SMG6: variants seen among roughly 807,000 people sequenced by gnomAD.
The protein encoded by SMG6 is SMG6 nonsense mediated mRNA decay factor, also known as telomerase-binding protein EST1A.
Under a neutral mutation model 142.2 loss-of-function variants are expected in SMG6, and 66 were observed. The ratio of observed to expected loss-of-function variants is 0.46; its 90% CI spans 0.38 to 0.57. SMG6 has a LOEUF of 0.57. SMG6 is among the 20% of genes least tolerant of loss of function. SMG6 has a pLI of 0.00. For synonymous variants in SMG6, 779 were observed against 702.4 expected (o/e 1.11, Z -1.72); for missense variants, 1,793 against 1,832.0 (o/e 0.98, Z 0.39).
At chr17:2,248,020 C>T (rs1406762828) in intron 8 of SMG6, among the ~76,000 whole-genome samples, 4 of 152,088 alleles carry the variant, frequency 2.6e-5, no homozygotes, top group Admixed American at 6.5e-5. Context: ...GCAGAAGAAT[C>T]GCTTGAACCT....
chr17:2,162,104 A>G (rs903994372), intron 13 of SMG6, among the ~76,000 whole-genome samples: 2 of 152,330 alleles, frequency 1.3e-5, no homozygotes, highest in East Asian at 1.9e-4. Flanking sequence ...TATTCATACA[A>G]TATTGTGCAG....
intron 6 of SMG6, among the ~76,000 whole-genome samples, chr17:2,287,210 G>T (rs532754331): frequency 1.3e-5 from 2 of 151,982 alleles, no homozygotes; most frequent in African/African-American, 4.8e-5. Context: ...TGAGCCACTG[G>T]GCCCGGCTAA....
intron 13 of SMG6, among the ~76,000 whole-genome samples, chr17:2,157,749 A>G (rs2071051213): frequency 6.6e-6 from 1 of 152,234 alleles, no homozygotes; most frequent in Non-Finnish European, 1.5e-5. Flanking sequence ...CAATAAAACC[A>G]AAACAGGCAA....
At chr17:2,173,081 G>C (rs750177404) in intron 12 of SMG6, 1 of 563,156 alleles carries the variant, frequency 1.8e-6, no homozygotes, top group Admixed American at 3.1e-5. Context: ...TGATTAGGGG[G>C]AGTTTTTAAT....
At chr17:2,076,940 G>GGC (rs1362108012) in intron 15 of SMG6, among the ~76,000 whole-genome samples, 1 of 152,200 alleles carries the variant, frequency 6.6e-6, no homozygotes, top group Non-Finnish European at 1.5e-5. Context: ...GGGCCCACCA[G>GGC]GCGCACGGGA....
chr17:2,173,042 G>A, intron 12 of SMG6, 183 bp from the exon 13 acceptor site: 1 of 618,314 alleles, frequency 1.6e-6, no homozygotes, highest in Non-Finnish European at 2.8e-6. Context: ...TCTGAGGTAT[G>A]TGTATGTGGA....
chr17:2,090,764 A>G (rs1290761663), intron 13 of SMG6, among the ~76,000 whole-genome samples: 1 of 152,252 alleles, frequency 6.6e-6, no homozygotes, highest in African/African-American at 2.4e-5. Flanking sequence ...ACTCAAGTTT[A>G]CAGGTTGTTT....
intron 6 of SMG6, among the ~76,000 whole-genome samples, chr17:2,290,775 T>C (rs1174444738): frequency 1.3e-5 from 2 of 152,134 alleles, no homozygotes; most frequent in South Asian, 2.1e-4. Context: ...ATTTTAAAAA[T>C]GGGCAAAAAA....
At chr17:2,245,860 T>C (rs2073917432) in intron 8 of SMG6, among the ~76,000 whole-genome samples, 1 of 152,132 alleles carries the variant, frequency 6.6e-6, no homozygotes, top group African/African-American at 2.4e-5. Flanking sequence ...TTTAATTTTT[T>C]GTAGAGAGGA....
At chr17:2,283,575 G>T in intron 7 of SMG6, 50 bp downstream of exon 7, 1 of 1,449,150 alleles carries the variant, frequency 6.9e-7, no homozygotes. Context: ...CCAACACTCA[G>T]GGAAATGCAC....
At chr17:2,188,642 C>T (rs2072066826) in intron 10 of SMG6, 127 bp from the exon 11 acceptor site, 1 of 744,850 alleles carries the variant, frequency 1.3e-6, no homozygotes, top group Non-Finnish European at 2.2e-6. Context: ...TCAGAGTGGT[C>T]ATAAGGCCAA....
chr17:2,101,997 T>C (rs1255838574), intron 13 of SMG6, among the ~76,000 whole-genome samples: 1 of 152,186 alleles, frequency 6.6e-6, no homozygotes, highest in Non-Finnish European at 1.5e-5. Flanking sequence ...CAGAGCTGAT[T>C]TCTTGAAGAC....
intron 8 of SMG6, among the ~76,000 whole-genome samples, chr17:2,271,664 G>A (rs954679334): frequency 8.6e-5 from 13 of 151,874 alleles, no homozygotes; most frequent in African/African-American, 2.9e-4. Context: ...GCAGTGAGCC[G>A]AGATCATACC....
At chr17:2,084,196 C>T (rs1043514371) in intron 14 of SMG6, among the ~76,000 whole-genome samples, 4 of 152,250 alleles carry the variant, frequency 2.6e-5, no homozygotes, top group African/African-American at 9.6e-5. Flanking sequence ...GCTGTGCCCT[C>T]AGCCTGAAAG....
chr17:2,269,443 CA>C (rs2074499692), intron 8 of SMG6, among the ~76,000 whole-genome samples: 1 of 128,614 alleles, frequency 7.8e-6, no homozygotes, highest in Non-Finnish European at 1.7e-5. Context: ...ACTTTCAAAA[CA>C]AAAAACTATA....
chr17:2,072,909 G>A (rs1193675933), intron 15 of SMG6: 1 of 152,142 alleles, frequency 6.6e-6, no homozygotes, highest in Non-Finnish European at 1.5e-5. Context: ...ACCTAGCAAA[G>A]TGCCTGACAC....
chr17:2,226,569 A>C (rs1325182708), intron 10 of SMG6, among the ~76,000 whole-genome samples: 2 of 150,710 alleles, frequency 1.3e-5, no homozygotes, highest in Non-Finnish European at 3.0e-5. Flanking sequence ...ACAGTACGAG[A>C]CTCTGTCTTA....
chr17:2,258,556 CAA>C (rs546129106), intron 8 of SMG6, among the ~76,000 whole-genome samples: 8 of 88,234 alleles, frequency 9.1e-5, no homozygotes, highest in Admixed American at 1.1e-4. Flanking sequence ...GACTCTGTCT[CAA>C]AAAAAAAAAA....
chr17:2,292,862 T>C lies in SMG6; in HGVS notation c.2258+9A>G, dbSNP rs756687357. On this transcript the variant is annotated intron_variant, in intron 5 of 18. Coordinates refer to ENST00000263073, the MANE Select transcript of SMG6 (RefSeq NM_017575.5). ...GGGAAGAGAAATAACGAAGCAGAGG[T>C]AAAAGTACCTGCGTGCTTTCCCATA... The C allele has an allele frequency of 6.2e-7, 1 of 1,609,228 alleles. No homozygotes were observed. The highest frequency in any genetic ancestry group is 1.1e-5 in the South Asian group (1 of 90,980).
Sources: gnomAD v4.1 joint callset for allele counts (sites outside exome capture counted in the v4.1 genomes callset) on GRCh38, gnomAD v4.1.1 for gene constraint, MANE v1.5 for transcripts, NCBI Gene and HGNC (gene_info 2026-07-23, HGNC 2026-07-21) for gene names.